PKD1L1: variants seen among roughly 807,000 people sequenced by gnomAD.
The protein encoded by PKD1L1 is polycystin 1 like 1, transient receptor potential channel interacting, also known as polycystin-1-like protein 1.
In PKD1L1, 236 loss-of-function variants were observed where a neutral mutation model predicts 323.4. The ratio of observed to expected loss-of-function variants is 0.73; its 90% CI spans 0.66 to 0.81. PKD1L1 has a LOEUF of 0.81. PKD1L1 is among the 40% of genes least tolerant of loss of function. The pLI, the probability that PKD1L1 is intolerant of heterozygous loss-of-function variation, is 0.00. For missense variants in PKD1L1, 3,320 were observed against 3,508.0 expected, an observed-to-expected ratio of 0.95 and a Z score of 1.35; for synonymous variants, 1,344 against 1,335.0, an observed-to-expected ratio of 1.01 and a Z score of -0.15.
At position 47,815,207 on chromosome 7, in the gene PKD1L1, G is replaced by A. The variant is rs539805515; in HGVS notation, c.7089+127C>T. On this transcript the variant is annotated intron_variant, in intron 47 of 56. Coordinates refer to ENST00000289672, the MANE Select transcript of PKD1L1 (RefSeq NM_138295.5). ...TGCTGGGACCCACTGGAGAGCCACC[G>A]GCCTTACACCTGCATGGTCATTCAA... The A allele has an allele frequency of 1.3e-5, 17 of 1,272,218 alleles. No homozygotes were observed. The South Asian group carries it at 2.0e-4, about 15-fold the overall frequency. The allele number at this position is 1,272,218 out of a possible 1,614,324, so 78.8% of individuals were successfully genotyped here.
chr7:47,851,797 A>G (rs1004914920), intron 31 of PKD1L1, among the ~76,000 whole-genome samples: 1 of 152,226 alleles, frequency 6.6e-6, no homozygotes, highest in African/African-American at 2.4e-5. Context: ...TACAACATGC[A>G]GAAAATAACT....
chr7:47,884,639 C>T lies in PKD1L1; in HGVS notation c.3224G>A (p.Ser1075Asn), dbSNP rs1304954277. 2.5e-5 allele frequency: 41 copies of T among 1,613,640 alleles called. No homozygotes were observed. Among genetic ancestry groups the T allele is most frequent in the Non-Finnish European group, 3.5e-5 (41 of 1,179,696 alleles). ...PHLSDFEAYY[S>N]DIQEAIPSGG... ...CGATGGTATTGCTTCTTGAATGTCA[C>T]TGTAATAGGCTTCAAAATCTATAAG... The change falls in exon 19 of 57, where the codon AGT becomes AAT. Residue 1075 changes from serine to asparagine, a missense_variant. Coordinates refer to ENST00000289672, the MANE Select transcript of PKD1L1 (RefSeq NM_138295.5).
At chr7:47,833,528 G>A (rs1785392944) in intron 40 of PKD1L1, among the ~76,000 whole-genome samples, 1 of 152,146 alleles carries the variant, frequency 6.6e-6, no homozygotes, top group Non-Finnish European at 1.5e-5. Flanking sequence ...TGGTTCTCTG[G>A]GAGGCATGAC....
intron 24 of PKD1L1, among the ~76,000 whole-genome samples, chr7:47,871,526 A>G (rs1786279864): frequency 6.6e-6 from 1 of 152,164 alleles, no homozygotes; most frequent in Non-Finnish European, 1.5e-5. Context: ...AATTTCATTT[A>G]TGAGAGCAGA....
In PKD1L1 at chr7:47,808,368, C is replaced by G. The variant is rs142359452; in HGVS notation, c.7706G>C (p.Ser2569Thr). The change falls in exon 52 of 57, where the codon AGC becomes ACC. Residue 2569 changes from serine to threonine, a missense_variant. By Grantham distance (58) the Ser-to-Thr change is moderately conservative. Transcript: ENST00000289672. ...NWLELSVVGV[S>T]LTYYAVSGHL... The stretch of plus-strand genomic sequence containing the variant: ...GCCGGAAACTGCATAGTAGGTGAGG[C>G]TCACTCCAACCACGGAGAGCTGGAA... The G allele has an allele frequency of 7.8e-4, 1,253 of 1,614,100 alleles. No individual in the cohort carries two copies. The highest frequency in any genetic ancestry group is 9.3e-4 in the Non-Finnish European group (1,101 of 1,180,012).
chr7:47,861,481 A>C (rs1235593039), intron 26 of PKD1L1, among the ~76,000 whole-genome samples: 1 of 152,198 alleles, frequency 6.6e-6, no homozygotes, highest in Non-Finnish European at 1.5e-5. Flanking sequence ...TTTCAAGGAC[A>C]TAAGGGGCAT....
In PKD1L1 at chr7:47,931,861, G is replaced by A. The variant is rs114746242; in HGVS notation, c.519+75C>T. ...ACTCTGAGGCCGCCTACATACGGGT[G>A]AGTCTCCCCCATATGCATCAGATGC... is the stretch of plus-strand genomic sequence containing the variant. On this transcript the variant is annotated intron_variant, in intron 5 of 56. Transcript: ENST00000289672. The A allele has an allele frequency of 4.6e-6, 7 of 1,517,844 alleles. No homozygotes were observed. In the South Asian group the frequency reaches 5.1e-5, roughly 11 times the overall value. The allele number at this position is 1,517,844 out of a possible 1,614,324, so 94.0% of individuals were successfully genotyped here.
rs1211485195 is a variant in PKD1L1, at chr7:47,865,225, G to A, written c.4140C>T (p.Phe1380=). 2 of 1,612,884 alleles carry A rather than the reference G, an allele frequency of 1.2e-6. No individual in the cohort carries two copies. Among genetic ancestry groups the A allele is most frequent in the Non-Finnish European group, 1.7e-6 (2 of 1,179,432 alleles). The change falls in exon 26 of 57, where the codon TTC becomes TTT. Residue 1380 remains phenylalanine, a synonymous_variant. Coordinates refer to ENST00000289672, the MANE Select transcript of PKD1L1 (RefSeq NM_138295.5). ...SVLMLRDLVS[F]SNKLGFMSAV... ...AAAAAATTGCACTTACCTTATTAGA[G>A]AAGCTCACGAGGTCCCTCAACATAA...
intron 7 of PKD1L1, among the ~76,000 whole-genome samples, chr7:47,926,881 C>A (rs550454669): frequency 6.6e-6 from 1 of 152,232 alleles, no homozygotes; most frequent in African/African-American, 2.4e-5. Flanking sequence ...GGCCTGAGGG[C>A]AGAGAGGAAG....
intron 1 of PKD1L1, among the ~76,000 whole-genome samples, chr7:47,948,000 C>A (rs905770368): frequency 2.0e-5 from 3 of 152,092 alleles, no homozygotes; most frequent in Admixed American, 6.5e-5. Flanking sequence ...TGGGCCAAGA[C>A]CCCATGATCT....
intron 56 of PKD1L1, among the ~76,000 whole-genome samples, chr7:47,786,432 A>T (rs1411589055): frequency 6.6e-6 from 1 of 152,198 alleles, no homozygotes; most frequent in African/African-American, 2.4e-5. Flanking sequence ...GTGGCACGCC[A>T]GTCTTCACAG....
intron 44 of PKD1L1, among the ~76,000 whole-genome samples, chr7:47,827,694 G>GT (rs527307161): frequency 1.0e-3 from 154 of 152,290 alleles, no homozygotes; most frequent in South Asian, 2.5e-3. Flanking sequence ...TCCCAGGCAA[G>GT]TTTTTTTGGC....
At chr7:47,957,366 C>A in the PKD1L1 span, 1 of 152,118 alleles carries the variant, frequency 6.6e-6, no homozygotes, top group African/African-American at 2.4e-5. Flanking sequence ...GCATCTAAAT[C>A]GGAAAGGAGG....
intron 31 of PKD1L1, among the ~76,000 whole-genome samples, chr7:47,847,912 C>G (rs998458436): frequency 1.3e-5 from 2 of 151,970 alleles, no homozygotes; most frequent in Admixed American, 6.6e-5. Flanking sequence ...ATATAAAGAG[C>G]TCTTAAACAT....
At chr7:47,786,525 A>T (rs1786810940) in intron 56 of PKD1L1, among the ~76,000 whole-genome samples, 1 of 152,228 alleles carries the variant, frequency 6.6e-6, no homozygotes, top group Non-Finnish European at 1.5e-5. Flanking sequence ...CCTGGCAGGT[A>T]GGTGCTAAGG....
intron 51 of PKD1L1, among the ~76,000 whole-genome samples, chr7:47,808,947 A>T (rs1330328130): frequency 6.6e-6 from 1 of 152,160 alleles, no homozygotes; most frequent in Non-Finnish European, 1.5e-5. Context: ...TAATAAATTA[A>T]CCTTAGCTTA....
chr7:47,919,101 A>C (rs1184685611), intron 7 of PKD1L1, among the ~76,000 whole-genome samples: 1 of 152,184 alleles, frequency 6.6e-6, no homozygotes, highest in Non-Finnish European at 1.5e-5. Flanking sequence ...CTTTGAAAAA[A>C]TAAATAAAAT....
intron 47 of PKD1L1, 94 bp downstream of exon 47, chr7:47,815,240 T>C (rs2128730665): frequency 6.7e-7 from 1 of 1,489,398 alleles, no homozygotes. Flanking sequence ...CAAGAACCTA[T>C]GCAGTGCTGC....
the PKD1L1 span, among the ~76,000 whole-genome samples, chr7:47,956,492 A>G: frequency 5.3e-5 from 8 of 152,232 alleles, no homozygotes; most frequent in African/African-American, 1.9e-4. Context: ...ATTTGGCACT[A>G]CACGGGCTGT....
Sources: allele counts gnomAD v4.1 joint callset (sites outside exome capture counted in the v4.1 genomes callset), GRCh38; gene constraint gnomAD v4.1.1; transcripts MANE v1.5; gene names NCBI Gene and HGNC (gene_info 2026-07-23, HGNC 2026-07-21).